Variants in HDAC9 observed in about 807,000 individuals in gnomAD.
HDAC9 encodes histone deacetylase 9.
A neutral mutation model predicts 139.4 loss-of-function variants in HDAC9; 41 were observed. The observed-to-expected ratio is 0.29, with a 90% CI of 0.23 to 0.38. HDAC9 has a LOEUF of 0.38. Among genes scored for constraint, HDAC9 ranks in the 10% least tolerant of loss-of-function variants. The pLI is 1.00. For synonymous variants in HDAC9, 517 were observed against 476.2 expected, an observed-to-expected ratio of 1.09 and a Z score of -1.12; for missense variants, 1,147 against 1,297.0, an observed-to-expected ratio of 0.88 and a Z score of 1.78.
chr7:18,498,359 A>G (rs1290349773), intron 2 of HDAC9, among the ~76,000 whole-genome samples: 1 of 152,010 alleles, frequency 6.6e-6, no homozygotes, highest in Non-Finnish European at 1.5e-5. Context: ...GCCTGGTTTA[A>G]TTGGTATGGG....
At chr7:18,848,564 G>A (rs1209075864) in intron 21 of HDAC9, among the ~76,000 whole-genome samples, 5 of 151,470 alleles carry the variant, frequency 3.3e-5, no homozygotes, top group Non-Finnish European at 7.4e-5. Flanking sequence ...CGGTGAGAGC[G>A]CTCTCATCAG....
intron 1 of HDAC9, among the ~76,000 whole-genome samples, chr7:18,366,457 T>G (rs1322427662): frequency 6.6e-6 from 1 of 152,150 alleles, no homozygotes; most frequent in African/African-American, 2.4e-5. Context: ...TAACTGGCAA[T>G]AATGCCAATC....
At chr7:18,675,206 C>A (rs1047867196) in intron 12 of HDAC9, among the ~76,000 whole-genome samples, 15 of 151,816 alleles carry the variant, frequency 9.9e-5, no homozygotes, top group Non-Finnish European at 1.5e-5. Context: ...TGCATCAAAC[C>A]CTATGTATGC....
At chr7:18,257,092 T>C (rs1795298711) in intron 2 of HDAC9, among the ~76,000 whole-genome samples, 1 of 147,290 alleles carries the variant, frequency 6.8e-6, no homozygotes, top group Non-Finnish European at 1.5e-5. Flanking sequence ...CTGTCTCAAA[T>C]TGTGTATGTG....
chr7:18,932,776 A>G (rs931474001), intron 22 of HDAC9, among the ~76,000 whole-genome samples: 30 of 151,746 alleles, frequency 2.0e-4, no homozygotes, highest in African/African-American at 7.3e-4. Context: ...AGAGAGAGAA[A>G]GAACGTAAGA....
At chr7:18,247,182 G>A (rs1188184121) in intron 2 of HDAC9, among the ~76,000 whole-genome samples, 1 of 151,910 alleles carries the variant, frequency 6.6e-6, no homozygotes, top group Non-Finnish European at 1.5e-5. Flanking sequence ...AAAGAGTTCT[G>A]TTGTGGAGAA....
At chr7:18,796,837 G>A (rs2520339) in intron 17 of HDAC9, among the ~76,000 whole-genome samples, 125,234 of 152,170 alleles carry the variant, frequency 0.82, 52,103 homozygotes, top group African/African-American at 0.89. Context: ...ACTTATTGAA[G>A]TTTAATATAA....
At chr7:18,774,935 G>C (rs974601841) in intron 16 of HDAC9, among the ~76,000 whole-genome samples, 39 of 151,984 alleles carry the variant, frequency 2.6e-4, no homozygotes, top group African/African-American at 8.9e-4. Context: ...GCTTTTGATT[G>C]AGAGTGTTGA....
intron 12 of HDAC9, among the ~76,000 whole-genome samples, chr7:18,717,706 T>G (rs943695766): frequency 1.3e-5 from 2 of 151,728 alleles, no homozygotes; most frequent in African/African-American, 4.9e-5. Context: ...GCTGGGGCAA[T>G]TTCTTAAAAT....
At chr7:18,406,768 A>G (rs1203033353) in intron 1 of HDAC9, among the ~76,000 whole-genome samples, 1 of 152,152 alleles carries the variant, frequency 6.6e-6, no homozygotes, top group Non-Finnish European at 1.5e-5. Context: ...ACCATATTGT[A>G]TGAAACATCT....
At chr7:18,264,099 T>C (rs1795853071) in intron 2 of HDAC9, among the ~76,000 whole-genome samples, 1 of 152,130 alleles carries the variant, frequency 6.6e-6, no homozygotes, top group Non-Finnish European at 1.5e-5. Flanking sequence ...ACAATAATAG[T>C]TGGGGACTTC....
intron 1 of HDAC9, among the ~76,000 whole-genome samples, chr7:18,091,472 G>T (rs1782140591): frequency 6.6e-6 from 1 of 152,186 alleles, no homozygotes; most frequent in South Asian, 2.1e-4. Flanking sequence ...CACTGAAAGG[G>T]TAAGATTTGG....
intron 1 of HDAC9, among the ~76,000 whole-genome samples, chr7:18,132,554 A>G (rs1218656488): frequency 6.6e-6 from 1 of 152,076 alleles, no homozygotes; most frequent in Non-Finnish European, 1.5e-5. Context: ...AACCGCAGGC[A>G]CATACTACCA....
At chr7:18,658,253 A>C (rs1791921449) in intron 11 of HDAC9, among the ~76,000 whole-genome samples, 1 of 152,088 alleles carries the variant, frequency 6.6e-6, no homozygotes, top group Non-Finnish European at 1.5e-5. Context: ...TCTTTTCCTA[A>C]GGCCTGGCAT....
At chr7:18,710,028 G>A (rs1784230636) in intron 12 of HDAC9, among the ~76,000 whole-genome samples, 1 of 152,178 alleles carries the variant, frequency 6.6e-6, no homozygotes, top group Admixed American at 6.5e-5. Flanking sequence ...AAAGTTCCAC[G>A]TGGCTGAAGA....
In HDAC9 at chr7:18,887,901, G is replaced by A. The variant is rs553663373; in HGVS notation, c.2803+13305G>A. Among the ~76,000 whole-genome samples, 21 of 152,180 alleles carry A rather than the reference G, an allele frequency of 1.4e-4. 1 individual carries two copies. The South Asian group carries it at 4.4e-3, about 32-fold the overall frequency. On this transcript the variant is annotated intron_variant, in intron 22 of 25. Transcript: ENST00000686413. ...CGCCAAGATTTGTGGCCACAGAGAA[G>A]TCATCAGGAGTTGCAGTGGTTCTCA...
chr7:18,278,059 T>C (rs1391317357), intron 2 of HDAC9, among the ~76,000 whole-genome samples: 1 of 152,186 alleles, frequency 6.6e-6, no homozygotes, highest in African/African-American at 2.4e-5. Flanking sequence ...GGAAGCACCA[T>C]CTTGAACTTC....
At chr7:18,751,188 G>A (rs556929746) in intron 14 of HDAC9, among the ~76,000 whole-genome samples, 105 of 152,130 alleles carry the variant, frequency 6.9e-4, no homozygotes, top group African/African-American at 2.4e-3. Flanking sequence ...ATACAATTCA[G>A]TTTGTATAGC....
chr7:18,513,264 G>C (rs1227851305), intron 2 of HDAC9, among the ~76,000 whole-genome samples: 1 of 152,226 alleles, frequency 6.6e-6, no homozygotes, highest in Non-Finnish European at 1.5e-5. Flanking sequence ...TAGTAAAGTG[G>C]TTCTAAACTA....
Sources: allele counts gnomAD v4.1 joint callset (sites outside exome capture counted in the v4.1 genomes callset), GRCh38; gene constraint gnomAD v4.1.1; transcripts MANE v1.5; gene names NCBI Gene and HGNC (gene_info 2026-07-23, HGNC 2026-07-21).